The following CACNA1E variants were observed in gnomAD, a reference collection of about 807,000 sequenced individuals.
CACNA1E encodes the protein calcium voltage-gated channel subunit alpha1 E, also known as voltage-dependent R-type calcium channel subunit alpha-1E.
In CACNA1E, 40 loss-of-function variants were observed where a neutral mutation model predicts 259.2. That is an observed-to-expected ratio of 0.15 (90% CI 0.12 to 0.20). The LOEUF is 0.20. Ranked by LOEUF, CACNA1E falls within the 10% of genes least tolerant of loss-of-function variation. The pLI is 1.00. For missense variants in CACNA1E, 1,874 were observed against 3,040.1 expected (o/e 0.62, Z 9.02); for synonymous variants, 1,104 against 1,138.5 (o/e 0.97, Z 0.61).
rs1258425858 is a variant in CACNA1E at position 181,421,880 on chromosome 1, T to A, written c.434+8300T>A. On this transcript the variant is annotated intron_variant, in intron 2 of 11. Coordinates refer to the CACNA1E transcript ENST00000524607. ...GTTTCCCTAGAATAAGAGAATGTGA[T>A]CTATTGACACAACAGGCAGGGACAA... 5.9e-5 allele frequency among the ~76,000 whole-genome samples: 9 copies of A among 152,222 alleles called. No individual in the cohort carries two copies. The East Asian group carries it at 1.5e-3, about 26-fold the overall frequency.
At chr1:181,346,753 T>C (rs376483427) in intron 1 of CACNA1E, among the ~76,000 whole-genome samples, 1 of 152,274 alleles carries the variant, frequency 6.6e-6, no homozygotes, top group South Asian at 2.1e-4. Context: ...ATGACGGGAA[T>C]TGGAGGCACC....
chr1:181,609,832 G>T (rs1030468664), intron 6 of CACNA1E, among the ~76,000 whole-genome samples: 13 of 152,184 alleles, frequency 8.5e-5, no homozygotes, highest in African/African-American at 3.1e-4. Flanking sequence ...CAGCTGACAA[G>T]CAGTACGCTG....
At chr1:181,389,177 G>A (rs1656069765) in intron 1 of CACNA1E, among the ~76,000 whole-genome samples, 1 of 151,888 alleles carries the variant, frequency 6.6e-6, no homozygotes, top group South Asian at 2.1e-4. Flanking sequence ...TATTTTCTCC[G>A]TGAGGCACAT....
intron 39 of CACNA1E, among the ~76,000 whole-genome samples, chr1:181,782,654 A>G (rs1028643442): frequency 1.3e-5 from 2 of 152,200 alleles, no homozygotes; most frequent in African/African-American, 4.8e-5. Context: ...TGGTTCTGCC[A>G]GAGGACGTTC....
chr1:181,631,750 G>A (rs1656764368), intron 6 of CACNA1E, among the ~76,000 whole-genome samples: 16 of 152,128 alleles, frequency 1.1e-4, no homozygotes, highest in Admixed American at 1.0e-3. Flanking sequence ...AGCTCAACTG[G>A]CAAAATGCCC....
rs77290072 is a variant in CACNA1E, at chr1:181,724,887, G to A, written c.2142+350G>A. Among the ~76,000 whole-genome samples the A allele has an allele frequency of 5.3e-5, 8 of 152,380 alleles. No individual in the cohort carries two copies. In the East Asian group the frequency reaches 1.5e-3, roughly 29 times the overall value. ...ACCTCTGCTACTGCAACCTGCGGCTGTGTGACCTGAATCACATGACTTAAC... is the reference window on the plus strand; with the variant it reads ...ACCTCTGCTACTGCAACCTGCGGCTATGTGACCTGAATCACATGACTTAAC... On this transcript the variant is annotated intron_variant, in intron 17 of 47. Coordinates refer to ENST00000367573, the MANE Select transcript of CACNA1E (RefSeq NM_001205293.3).
chr1:181,757,783 G>A (rs185153747), intron 30 of CACNA1E, among the ~76,000 whole-genome samples, 164 bp from the exon 31 acceptor site: 49 of 152,166 alleles, frequency 3.2e-4, no homozygotes, highest in South Asian at 3.1e-3. Flanking sequence ...TTAAGGTGAC[G>A]CCTTGTCTGT....
chr1:181,774,710 G>A (rs1415868719), intron 37 of CACNA1E, among the ~76,000 whole-genome samples: 2 of 152,222 alleles, frequency 1.3e-5, no homozygotes, highest in African/African-American at 4.8e-5. Flanking sequence ...CTGTGTTGTA[G>A]AAAGACTCCA....
At chr1:181,575,265 G>A (rs1004665244) in intron 3 of CACNA1E, among the ~76,000 whole-genome samples, 1 of 152,170 alleles carries the variant, frequency 6.6e-6, no homozygotes, top group Non-Finnish European at 1.5e-5. Context: ...CAGTGTGGTT[G>A]GGAGAATTTG....
chr1:181,771,441 T>C (rs1201928645), intron 36 of CACNA1E, 57 bp downstream of exon 36: 4 of 896,418 alleles, frequency 4.5e-6, no homozygotes, highest in Non-Finnish European at 7.3e-6. Flanking sequence ...GAGAGAGAGT[T>C]TGTCTGCCTC....
At chr1:181,380,748 T>C (rs1246425573) in intron 1 of CACNA1E, among the ~76,000 whole-genome samples, 1 of 152,134 alleles carries the variant, frequency 6.6e-6, no homozygotes, top group African/African-American at 2.4e-5. Context: ...ACACTAATAA[T>C]GGGAATATAA....
At chr1:181,618,568 A>C (rs1655436505) in intron 6 of CACNA1E, among the ~76,000 whole-genome samples, 1 of 152,208 alleles carries the variant, frequency 6.6e-6, no homozygotes, top group African/African-American at 2.4e-5. Context: ...CCATCTCAAA[A>C]AGAAAGAAAA....
chr1:181,758,225 C>G lies in CACNA1E; in HGVS notation c.4494+114C>G. Reference sequence around the variant, plus strand: ...ATCACTGCTTTACCTACTTTTCCATCATTGAATCCTTTTGTGATCTTATTT... The same window carrying G: ...ATCACTGCTTTACCTACTTTTCCATGATTGAATCCTTTTGTGATCTTATTT... On this transcript the variant is annotated intron_variant, in intron 31 of 47. Coordinates refer to ENST00000367573, the MANE Select transcript of CACNA1E (RefSeq NM_001205293.3). This position sits in a 1 kb window ranked among gnomAD's most constrained non-coding sequence, Gnocchi z 4.2. 1 of 955,700 alleles carries G rather than the reference C, an allele frequency of 1.0e-6. No individual in the cohort carries two copies. The highest frequency in any genetic ancestry group is 1.6e-5 in the South Asian group (1 of 61,742). 59.2% of individuals were successfully genotyped at this position (955,700 alleles called of 1,614,324 possible).
intron 1 of CACNA1E, among the ~76,000 whole-genome samples, chr1:181,499,828 G>C (rs1021941217): frequency 6.6e-5 from 10 of 152,194 alleles, no homozygotes; most frequent in African/African-American, 2.2e-4. Flanking sequence ...CTTCTAGACC[G>C]AGGGGAGCCA....
At chr1:181,697,381 G>A (rs1009879917) in intron 7 of CACNA1E, among the ~76,000 whole-genome samples, 1 of 152,216 alleles carries the variant, frequency 6.6e-6, no homozygotes, top group Non-Finnish European at 1.5e-5. Context: ...CATTTAAAAA[G>A]TGAGCTAGTA....
chr1:181,490,602 A>G (rs1048554494), intron 1 of CACNA1E, among the ~76,000 whole-genome samples: 2 of 146,390 alleles, frequency 1.4e-5, no homozygotes, highest in South Asian at 2.1e-4. Context: ...GCAACTCTGC[A>G]TAATCTTGAG....
chr1:181,429,455 C>G (rs921463980), intron 2 of CACNA1E, among the ~76,000 whole-genome samples: 1 of 152,208 alleles, frequency 6.6e-6, no homozygotes, highest in African/African-American at 2.4e-5. Context: ...GAGCCCTCAT[C>G]TCCACCAGCA....
intron 25 of CACNA1E, among the ~76,000 whole-genome samples, chr1:181,745,895 T>C (rs747170050): frequency 2.2e-4 from 33 of 152,190 alleles, no homozygotes; most frequent in Non-Finnish European, 4.4e-4. Context: ...TGCTTCTCAG[T>C]GTTTGGACAA....
chr1:181,336,505 C>T (rs867620548), intron 1 of CACNA1E, among the ~76,000 whole-genome samples: 45 of 152,232 alleles, frequency 3.0e-4, no homozygotes, highest in African/African-American at 1.1e-3. Flanking sequence ...CTTTAGAATT[C>T]GTACTCTTTG....
Sources: gnomAD v4.1 joint callset for allele counts (sites outside exome capture counted in the v4.1 genomes callset) on GRCh38, gnomAD v4.1.1 for gene constraint, Gnocchi (gnomAD v3.1) non-coding constraint, MANE v1.5 for transcripts, NCBI Gene and HGNC (gene_info 2026-07-23, HGNC 2026-07-21) for gene names.